Variants in KALRN observed in about 807,000 individuals in gnomAD.
KALRN encodes the protein kalirin.
KALRN carries 70 observed loss-of-function variants against 353.7 expected under a neutral mutation model. That is an observed-to-expected ratio of 0.20 (90% CI 0.16 to 0.24). KALRN has a LOEUF of 0.24. Among genes scored for constraint, KALRN ranks in the 10% least tolerant of loss-of-function variants. The probability of loss-of-function intolerance (pLI) is 1.00; values close to 1 mark genes in which losing one functional copy is unlikely to be tolerated. For missense variants in KALRN, 2,791 were observed against 3,756.7 expected, an observed-to-expected ratio of 0.74 and a Z score of 6.72; for synonymous variants, 1,391 against 1,434.8, an observed-to-expected ratio of 0.97 and a Z score of 0.69.
intron 34 of KALRN, among the ~76,000 whole-genome samples, chr3:124,629,501 C>T (rs768431555): frequency 6.6e-6 from 1 of 152,146 alleles, no homozygotes; most frequent in Non-Finnish European, 1.5e-5. Flanking sequence ...TCTCTTTCTC[C>T]ACTAATCTTT....
At chr3:124,625,408 G>A (rs1195470362) in intron 34 of KALRN, among the ~76,000 whole-genome samples, 1 of 152,170 alleles carries the variant, frequency 6.6e-6, no homozygotes, top group Non-Finnish European at 1.5e-5. Context: ...CAACATCCAA[G>A]AGTGTGATGT....
At chr3:124,654,895 G>A (rs938880297) in intron 38 of KALRN, among the ~76,000 whole-genome samples, 9 of 152,210 alleles carry the variant, frequency 5.9e-5, no homozygotes, top group Admixed American at 3.3e-4. Context: ...ATAGTAAATG[G>A]TAGAAAGAAT....
chr3:124,111,513 G>A (rs2062969816), intron 1 of KALRN, among the ~76,000 whole-genome samples: 1 of 152,172 alleles, frequency 6.6e-6, no homozygotes, highest in African/African-American at 2.4e-5. Context: ...AACAAAATGT[G>A]GGTCTGTAAG....
At position 124,496,712 on chromosome 3, in the gene KALRN, C is replaced by T. The variant is rs576920775; in HGVS notation, c.4935+299C>T. On this transcript the variant is annotated intron_variant, in intron 33 of 59. Transcript: ENST00000682506. ...TAGGTTTCTTCTCTTTCTGAGATGC[C>T]CCACCTGGGCTTCTTGGGCTGCTGT... 5.3e-5 allele frequency among the ~76,000 whole-genome samples: 8 copies of T among 152,198 alleles called. No individual in the cohort carries two copies. In the East Asian group the frequency reaches 1.4e-3, roughly 26 times the overall value.
At chr3:124,683,098 C>T (rs1381777373) in intron 51 of KALRN, among the ~76,000 whole-genome samples, 5 of 151,942 alleles carry the variant, frequency 3.3e-5, no homozygotes, top group Non-Finnish European at 7.4e-5. Flanking sequence ...GAAAGGGGGG[C>T]ATCATACATG....
chr3:124,518,971 G>A (rs1242320138), intron 33 of KALRN: 7 of 990,378 alleles, frequency 7.1e-6, no homozygotes, highest in Non-Finnish European at 8.4e-6. Flanking sequence ...AAAGAGGGAA[G>A]AAGAAGAAGG....
chr3:124,152,531 TTTC>T, intron 1 of KALRN: 3 of 633,408 alleles, frequency 4.7e-6, no homozygotes, highest in Non-Finnish European at 8.2e-6. Flanking sequence ...TTACAGTGCT[TTTC>T]TTTTTCTTTT....
At chr3:124,677,787 G>C (rs2087350148) in intron 49 of KALRN, among the ~76,000 whole-genome samples, 1 of 152,122 alleles carries the variant, frequency 6.6e-6, no homozygotes, top group Non-Finnish European at 1.5e-5. Context: ...ATGCATTCTA[G>C]AATATACTTC....
At chr3:124,076,333 G>A (rs1245963221) in intron 1 of KALRN, among the ~76,000 whole-genome samples, 1 of 152,174 alleles carries the variant, frequency 6.6e-6, no homozygotes, top group East Asian at 1.9e-4. Context: ...AGCAGCAAGT[G>A]CCTGACCAGA....
intron 34 of KALRN, among the ~76,000 whole-genome samples, chr3:124,623,427 C>CACACACACACACACACACAA (rs139583497): frequency 6.8e-6 from 1 of 147,128 alleles, no homozygotes; most frequent in African/African-American, 2.5e-5. Flanking sequence ...CACACACACA[C>CACACACACACACACACACAA]AAAAGGGAGT....
chr3:124,623,964 G>C (rs554189644), intron 34 of KALRN, among the ~76,000 whole-genome samples: 1 of 152,334 alleles, frequency 6.6e-6, no homozygotes, highest in South Asian at 2.1e-4. Flanking sequence ...TGCTAAAACA[G>C]TCGCCGTCTA....
intron 51 of KALRN, among the ~76,000 whole-genome samples, chr3:124,693,019 T>A (rs952350518): frequency 6.6e-6 from 1 of 152,334 alleles, no homozygotes; most frequent in South Asian, 2.1e-4. Flanking sequence ...CAGGGTGTCC[T>A]GAGGCAGGCA....
intron 34 of KALRN, among the ~76,000 whole-genome samples, chr3:124,581,522 C>A (rs182265840): frequency 1.1e-4 from 16 of 152,182 alleles, no homozygotes; most frequent in Admixed American, 4.6e-4. Context: ...GTAACTCAAG[C>A]CAGTTTCAGC....
At chr3:124,209,577 AG>A (rs954278797) in intron 1 of KALRN, among the ~76,000 whole-genome samples, 11 of 151,576 alleles carry the variant, frequency 7.3e-5, no homozygotes, top group African/African-American at 2.7e-4. Flanking sequence ...TCTGCATCTC[AG>A]GCCTGAAGGA....
At chr3:124,187,796 GT>G (rs1363375106) in intron 1 of KALRN, among the ~76,000 whole-genome samples, 1 of 152,178 alleles carries the variant, frequency 6.6e-6, no homozygotes, top group Non-Finnish European at 1.5e-5. Flanking sequence ...GAGTTACCAG[GT>G]GGGGAGAGAT....
At chr3:124,285,221 G>A (rs1315078738) in intron 5 of KALRN, among the ~76,000 whole-genome samples, 2 of 152,058 alleles carry the variant, frequency 1.3e-5, no homozygotes, top group Non-Finnish European at 2.9e-5. Context: ...TGGATGTTAG[G>A]GAATCAATGT....
intron 3 of KALRN, among the ~76,000 whole-genome samples, chr3:124,239,088 T>C (rs575096041): frequency 6.6e-6 from 1 of 152,312 alleles, no homozygotes; most frequent in African/African-American, 2.4e-5. Context: ...CCTACACTTA[T>C]CTAACATTTT....
chr3:124,574,225 A>C (rs1209001656), intron 34 of KALRN, among the ~76,000 whole-genome samples: 2 of 152,218 alleles, frequency 1.3e-5, no homozygotes, highest in African/African-American at 2.4e-5. Flanking sequence ...GGCAAGCCAC[A>C]TCCTTCTCTA....
intron 1 of KALRN, among the ~76,000 whole-genome samples, chr3:124,047,380 T>G (rs186512890): frequency 1.4e-3 from 210 of 152,312 alleles, no homozygotes; most frequent in African/African-American, 4.9e-3. Flanking sequence ...AGTCATTCAT[T>G]GACTCATTTA....
Sources: allele counts gnomAD v4.1 joint callset (sites outside exome capture counted in the v4.1 genomes callset), GRCh38; gene constraint gnomAD v4.1.1; transcripts MANE v1.5; gene names NCBI Gene and HGNC (gene_info 2026-07-23, HGNC 2026-07-21).